MICOS10: variants seen among roughly 807,000 people sequenced by gnomAD.
MICOS10 encodes mitochondrial contact site and cristae organizing system subunit 10.
In MICOS10, 5 loss-of-function variants were observed where a neutral mutation model predicts 13.4. That is an observed-to-expected ratio of 0.37 (90% CI 0.20 to 0.78). The LOEUF (loss-of-function observed/expected upper bound fraction) is 0.78. MICOS10 is among the 30% of genes least tolerant of loss of function. MICOS10 has a pLI of 0.47. For synonymous variants in MICOS10, 35 were observed against 33.6 expected (o/e 1.04, Z -0.15); for missense variants, 101 against 94.6 (o/e 1.07, Z -0.28).
intron 1 of MICOS10, among the ~76,000 whole-genome samples, chr1:19,609,165 TA>T (rs975157128): frequency 4.0e-4 from 60 of 151,492 alleles, no homozygotes; most frequent in African/African-American, 1.4e-3. Flanking sequence ...TCAGGCTAAT[TA>T]AAAAAAAATT....
intron 1 of MICOS10, among the ~76,000 whole-genome samples, chr1:19,604,690 G>A (rs1370302272): frequency 6.6e-6 from 1 of 152,148 alleles, no homozygotes; most frequent in Non-Finnish European, 1.5e-5. Context: ...AATCATTAAT[G>A]TGTACTTCTT....
At chr1:19,625,093 G>A (rs1007844547) in intron 3 of MICOS10, among the ~76,000 whole-genome samples, 1 of 152,164 alleles carries the variant, frequency 6.6e-6, no homozygotes, top group Admixed American at 6.5e-5. Flanking sequence ...TTTCACTTCT[G>A]AGCTTCCATT....
At chr1:19,623,636 G>C (rs921027537) in intron 3 of MICOS10, 53 bp downstream of exon 3, 70 of 1,281,098 alleles carry the variant, frequency 5.5e-5, no homozygotes, top group Admixed American at 2.8e-4. Flanking sequence ...GATTTCTCCT[G>C]AGCCCTGAAG....
At chr1:19,620,654 TG>T (rs1252299531) in intron 1 of MICOS10, among the ~76,000 whole-genome samples, 2 of 152,212 alleles carry the variant, frequency 1.3e-5, no homozygotes, top group Non-Finnish European at 2.9e-5. Flanking sequence ...TGCAGATAAA[TG>T]CCTATAATAG....
intron 1 of MICOS10, among the ~76,000 whole-genome samples, chr1:19,601,821 A>G (rs2094816370): frequency 6.6e-6 from 1 of 152,074 alleles, no homozygotes; most frequent in Non-Finnish European, 1.5e-5. Flanking sequence ...TACTTGTTAC[A>G]CATCCACTTC....
chr1:19,625,474 G>T lies in MICOS10; in HGVS notation c.223-913G>T, dbSNP rs1422712240. 10 of 1,289,432 alleles carry T rather than the reference G, an allele frequency of 7.8e-6. No individual in the cohort carries two copies. The South Asian group carries it at 1.2e-4, about 16-fold the overall frequency. The allele number at this position is 1,289,432 out of a possible 1,614,324, so 79.9% of individuals were successfully genotyped here. On this transcript the variant is annotated intron_variant, in intron 3 of 3. Transcript: ENST00000322753. ...GTAGGGGAGCCATCTCTGCACCAAAGCAAGAGTGAGGTCATCACAGGGACC... is the reference window on the plus strand; with the variant it reads ...GTAGGGGAGCCATCTCTGCACCAAATCAAGAGTGAGGTCATCACAGGGACC...
intron 1 of MICOS10, 90 bp downstream of exon 1, chr1:19,597,199 CG>C (rs1198347324): frequency 2.9e-6 from 4 of 1,394,790 alleles, no homozygotes; most frequent in Non-Finnish European, 3.9e-6. Context: ...GGAAGCCCCA[CG>C]GGAGGTCAGG....
chr1:19,602,168 C>T (rs2094817667), intron 1 of MICOS10, among the ~76,000 whole-genome samples: 1 of 152,150 alleles, frequency 6.6e-6, no homozygotes, highest in African/African-American at 2.4e-5. Context: ...CACTGTTGAT[C>T]CCCTAACGCC....
In MICOS10 at chr1:19,597,109, G is replaced by A. The variant is rs1485762137; in HGVS notation, c.64G>A (p.Gly22Ser). The A allele has an allele frequency of 2.5e-6, 4 of 1,600,802 alleles. No homozygotes were observed. The highest frequency in any genetic ancestry group is 3.4e-6 in the Non-Finnish European group (4 of 1,174,476). The change falls in exon 1 of 4, where the codon GGT becomes AGT. Residue 22 changes from glycine (G) to serine (S), a missense_variant and splice_region_variant. Physicochemically the swap from Gly to Ser is moderately conservative, Grantham distance 56. Coordinates refer to ENST00000322753, the MANE Select transcript of MICOS10 (RefSeq NM_001032363.4). ...RCLADAVVKIGTGFGLGIVFS... is the reference protein window; with the variant it reads ...RCLADAVVKISTGFGLGIVFS... ...TCTGGCGGATGCGGTCGTGAAGATA[G>A]GTAAGGGGCTTTTCGCCCCAGCAGG...
intron 1 of MICOS10, among the ~76,000 whole-genome samples, chr1:19,613,512 AC>A (rs536357548): frequency 1.4e-3 from 207 of 152,178 alleles, no homozygotes; most frequent in Non-Finnish European, 2.2e-3. Flanking sequence ...ACCCTCCTGG[AC>A]AGTTTGGGTA....
At chr1:19,621,135 C>G (rs1466645834) in intron 1 of MICOS10, among the ~76,000 whole-genome samples, 1 of 152,218 alleles carries the variant, frequency 6.6e-6, no homozygotes, top group Non-Finnish European at 1.5e-5. Flanking sequence ...AAATTGAACC[C>G]TGTACCATTT....
chr1:19,617,563 T>A (rs1225783727), intron 1 of MICOS10, among the ~76,000 whole-genome samples: 1 of 152,216 alleles, frequency 6.6e-6, no homozygotes, highest in Non-Finnish European at 1.5e-5. Context: ...GACTTTAAAC[T>A]ATTTTTTCCG....
chr1:19,618,283 T>TTTA (rs142653409), intron 1 of MICOS10, among the ~76,000 whole-genome samples: 15,900 of 150,562 alleles, frequency 0.11, 2,891 homozygotes, highest in African/African-American at 0.37. Context: ...TTTTTATTTA[T>TTTA]TTATTATTAT....
At chr1:19,611,468 G>GAT (rs2094860966) in intron 1 of MICOS10, among the ~76,000 whole-genome samples, 1 of 84,058 alleles carries the variant, frequency 1.2e-5, no homozygotes, top group African/African-American at 7.4e-5. Flanking sequence ...GTTGCAACTT[G>GAT]ATTTTTTTTT....
chr1:19,617,901 T>TA (rs200520510), intron 1 of MICOS10, among the ~76,000 whole-genome samples: 7,515 of 149,344 alleles, frequency 0.05, 249 homozygotes, highest in South Asian at 0.14. Context: ...GATCCTCTAT[T>TA]AAAAAATATA....
At chr1:19,607,248 C>T (rs1487533226) in intron 1 of MICOS10, among the ~76,000 whole-genome samples, 1 of 152,202 alleles carries the variant, frequency 6.6e-6, no homozygotes, top group East Asian at 1.9e-4. Flanking sequence ...AATAATGGAA[C>T]ATTGTGACCT....
chr1:19,625,378 A>G, intron 3 of MICOS10: 4 of 1,288,586 alleles, frequency 3.1e-6, no homozygotes, highest in Non-Finnish European at 4.0e-6. Flanking sequence ...ACGGCCCTGC[A>G]CCTGCCATTT....
At chr1:19,610,482 G>C (rs1003656207) in intron 1 of MICOS10, among the ~76,000 whole-genome samples, 3 of 143,532 alleles carry the variant, frequency 2.1e-5, no homozygotes, top group African/African-American at 7.6e-5. Flanking sequence ...GGGCTCAAGC[G>C]ATCTTGCTGC....
intron 1 of MICOS10, among the ~76,000 whole-genome samples, chr1:19,616,724 G>C (rs558525185): frequency 7.2e-5 from 11 of 152,278 alleles, no homozygotes; most frequent in African/African-American, 2.6e-4. Context: ...ATCCCTTTGT[G>C]TAGGAAAGAG....
Sources: gnomAD v4.1 joint callset for allele counts (sites outside exome capture counted in the v4.1 genomes callset) on GRCh38, gnomAD v4.1.1 for gene constraint, MANE v1.5 for transcripts, NCBI Gene and HGNC (gene_info 2026-07-23, HGNC 2026-07-21) for gene names.